Variants in DUSP10 observed in about 807,000 individuals in gnomAD.
DUSP10 encodes the protein dual specificity phosphatase 10, also known as dual specificity protein phosphatase 10.
A neutral mutation model predicts 30.8 loss-of-function variants in DUSP10; 14 were observed. That is an observed-to-expected ratio of 0.46 (90% CI 0.30 to 0.71). The LOEUF is 0.71. Among genes scored for constraint, DUSP10 ranks in the 30% least tolerant of loss-of-function variants. The pLI, the probability that DUSP10 is intolerant of heterozygous loss-of-function variation, is 0.08. For synonymous variants in DUSP10, 254 were observed against 250.4 expected (o/e 1.01, Z -0.14); for missense variants, 550 against 619.4 (o/e 0.89, Z 1.19).
chr1:221,721,339 A>G (rs1355239698), intron 2 of DUSP10, among the ~76,000 whole-genome samples: 1 of 152,230 alleles, frequency 6.6e-6, no homozygotes, highest in Non-Finnish European at 1.5e-5. Context: ...GTCCCCAAAG[A>G]GAAATCTAAT....
chr1:221,741,484 C>T (rs916452948), intron 1 of DUSP10, among the ~76,000 whole-genome samples: 1 of 152,098 alleles, frequency 6.6e-6, no homozygotes, highest in Admixed American at 6.5e-5. Flanking sequence ...GTACATACTG[C>T]CCGTGAAACC....
chr1:221,706,043 C>A lies in DUSP10; in HGVS notation c.1183+52G>T, dbSNP rs1031256643. ...CTTGAACTTGATATCAAAGCAAGAG[C>A]TGGAGGGAAAAGGAAGGCAGCGGAT... On this transcript the variant is annotated intron_variant, in intron 3 of 3. Transcript: ENST00000366899. The surrounding 1 kb of genome is among the most constrained non-coding windows in gnomAD (Gnocchi z 4.6). 6.4e-6 allele frequency: 10 copies of A among 1,572,908 alleles called. No individual in the cohort carries two copies. The highest frequency in any genetic ancestry group is 1.2e-5 in the South Asian group (1 of 83,864).
rs1661855894 is a variant in DUSP10 at position 221,738,787 on chromosome 1, C to T, written c.811+147G>A. ...CTGGGTTTTTCTTACTAAACCAAAA[C>T]AATAAAGAGCATAGAAGGGAAGAGA... On this transcript the variant is annotated intron_variant, in intron 2 of 3. Transcript: ENST00000366899. 5.5e-6 allele frequency: 6 copies of T among 1,099,940 alleles called. No homozygotes were observed. The Admixed American group carries it at 8.5e-5, about 16-fold the overall frequency. The allele number at this position is 1,099,940 out of a possible 1,614,324, so 68.1% of individuals were successfully genotyped here. A position where few individuals can be genotyped will look rare whatever the true frequency, so the allele number is the denominator to read the frequency against.
chr1:221,739,718 C>A lies in DUSP10; in HGVS notation c.27G>T (p.Arg9Ser). MPPSPLDD[R>S]VVVALSRPVR... is the part of the protein sequence containing the mutation. ...CGGGCCTAGATAGTGCCACTACTAC[C>A]CTGTCGTCTAAAGGAGACGGAGGCA... Residue 9 changes from arginine to serine, a missense_variant, in exon 2 of 4, where the codon AGG becomes AGT. By Grantham distance (110) the Arg-to-Ser change is moderately radical. Transcript: ENST00000366899. The A allele has an allele frequency of 1.2e-6, 2 of 1,607,106 alleles. No individual in the cohort carries two copies. Among genetic ancestry groups the A allele is most frequent in the South Asian group, 1.1e-5 (1 of 90,338 alleles).
rs77974441 is a variant in DUSP10, at chr1:221,704,404, A to G, written c.1183+1691T>C. On this transcript the variant is annotated intron_variant, in intron 3 of 3. Transcript: ENST00000366899. ...TAGTTGAAATCCTCTTAGAACAAGT[A>G]TATCTTACCCTACTCATTAAATAGA... Among the ~76,000 whole-genome samples, 122 of 152,284 alleles carry G rather than the reference A, an allele frequency of 8.0e-4. No homozygotes were observed. The East Asian group carries it at 0.019, about 24-fold the overall frequency.
At chr1:221,737,053 T>G (rs1661796959) in intron 2 of DUSP10, 3 of 985,326 alleles carry the variant, frequency 3.0e-6, no homozygotes, top group East Asian at 1.1e-4. Flanking sequence ...GGAGAGAGGA[T>G]CCTCACTTTC....
chr1:221,722,426 A>G (rs1284350121), intron 2 of DUSP10, among the ~76,000 whole-genome samples: 1 of 152,204 alleles, frequency 6.6e-6, no homozygotes, highest in Non-Finnish European at 1.5e-5. Flanking sequence ...ACACTGCCTC[A>G]TAGTTATCTG....
chr1:221,737,863 A>T (rs1027401712), intron 2 of DUSP10, among the ~76,000 whole-genome samples: 3 of 152,258 alleles, frequency 2.0e-5, no homozygotes, highest in African/African-American at 7.2e-5. Flanking sequence ...TAAATATGCA[A>T]TGTGTTCAAA....
intron 2 of DUSP10, among the ~76,000 whole-genome samples, chr1:221,734,936 A>G (rs923636415): frequency 7.2e-5 from 11 of 152,144 alleles, no homozygotes; most frequent in African/African-American, 2.7e-4. Context: ...AAAAGGGCAG[A>G]AACAGAATAT....
chr1:221,717,960 T>A (rs1471862418), intron 2 of DUSP10, among the ~76,000 whole-genome samples: 2 of 152,050 alleles, frequency 1.3e-5, no homozygotes, highest in African/African-American at 4.8e-5. Flanking sequence ...CTTTTAGAAA[T>A]ACAACGTATA....
intron 2 of DUSP10, chr1:221,711,922 T>C (rs1371683746): frequency 6.6e-6 from 1 of 152,220 alleles, no homozygotes; most frequent in African/African-American, 2.4e-5. Flanking sequence ...CTGGATGAAC[T>C]GGAGCTGATG....
intron 2 of DUSP10, among the ~76,000 whole-genome samples, chr1:221,718,181 A>G (rs1256803527): frequency 6.6e-6 from 1 of 152,108 alleles, no homozygotes; most frequent in Admixed American, 6.5e-5. Context: ...AGGCAAGCGC[A>G]GTAAGCCTTG....
intron 2 of DUSP10, among the ~76,000 whole-genome samples, chr1:221,715,630 C>G (rs141989650): frequency 1.3e-5 from 2 of 152,314 alleles, no homozygotes; most frequent in African/African-American, 4.8e-5. Context: ...GTAAATACAG[C>G]CTGTTTCTTT....
chr1:221,732,270 T>A (rs1414082368), intron 2 of DUSP10, among the ~76,000 whole-genome samples: 1 of 152,248 alleles, frequency 6.6e-6, no homozygotes, highest in Non-Finnish European at 1.5e-5. Flanking sequence ...AAGCCTAAGA[T>A]GGTTGGGCTT....
rs1280619073 is a variant in DUSP10, at chr1:221,739,475, A to G, written c.270T>C (p.Asn90=). 6 of 1,614,000 alleles carry G rather than the reference A, an allele frequency of 3.7e-6. No homozygotes were observed. In the African/African-American group the frequency reaches 6.7e-5, roughly 18 times the overall value. Reference sequence around the variant, plus strand: ...CGGCAATGGCTTGGGTTTGGGCCTGATTGTCCTTGTCGTAGGTTGCCACAG... The same window carrying G: ...CGGCAATGGCTTGGGTTTGGGCCTGGTTGTCCTTGTCGTAGGTTGCCACAG... The part of the protein sequence containing the change: ...CCTVATYDKD[N]QAQTQAIAAG... Residue 90 remains asparagine (N), a synonymous_variant, in exon 2 of 4, where the codon AAT becomes AAC. Transcript: ENST00000366899.
chr1:221,720,238 G>C (rs2102632735), intron 2 of DUSP10, among the ~76,000 whole-genome samples: 1 of 152,316 alleles, frequency 6.6e-6, no homozygotes, highest in Non-Finnish European at 1.5e-5. Flanking sequence ...TCCAGGAAGG[G>C]AGCTGGTCAC....
chr1:221,735,012 G>C (rs1661721128), intron 2 of DUSP10, among the ~76,000 whole-genome samples: 1 of 151,612 alleles, frequency 6.6e-6, no homozygotes. Context: ...TTGCCAATAA[G>C]AGTATATTTC....
intron 1 of DUSP10, among the ~76,000 whole-genome samples, chr1:221,741,454 C>G (rs940779676): frequency 1.3e-5 from 2 of 152,016 alleles, no homozygotes; most frequent in Non-Finnish European, 2.9e-5. Flanking sequence ...GACCTGCATC[C>G]CTGCAGCAGA....
At chr1:221,741,660 A>G (rs1047595621) in intron 1 of DUSP10, among the ~76,000 whole-genome samples, 9 of 147,260 alleles carry the variant, frequency 6.1e-5, no homozygotes, top group Non-Finnish European at 1.0e-4. Flanking sequence ...CTCGGCACAC[A>G]GCGCACTAAT....
Sources: allele counts gnomAD v4.1 joint callset (sites outside exome capture counted in the v4.1 genomes callset), GRCh38; gene constraint gnomAD v4.1.1; non-coding constraint Gnocchi (gnomAD v3.1); transcripts MANE v1.5; gene names NCBI Gene and HGNC (gene_info 2026-07-23, HGNC 2026-07-21).